The following PAM variants were observed in gnomAD, a reference collection of about 807,000 sequenced individuals.
The protein encoded by PAM is peptidylglycine alpha-amidating monooxygenase.
In PAM, 72 loss-of-function variants were observed where a neutral mutation model predicts 122.1. The observed-to-expected ratio is 0.59, with a 90% CI of 0.49 to 0.72. The LOEUF is 0.72. Among genes scored for constraint, PAM ranks in the 30% least tolerant of loss-of-function variants. The pLI is 0.00. For missense variants in PAM, 1,106 were observed against 1,183.7 expected (o/e 0.93, Z 0.96); for synonymous variants, 389 against 404.4 (o/e 0.96, Z 0.46).
intron 1 of PAM, among the ~76,000 whole-genome samples, chr5:102,822,684 A>G (rs1015378366): frequency 2.0e-4 from 31 of 152,302 alleles, no homozygotes; most frequent in African/African-American, 7.2e-4. Flanking sequence ...TGAAGAGTTA[A>G]TGCCTCCCCA....
At chr5:102,856,491 A>T (rs1205213526) in intron 1 of PAM, among the ~76,000 whole-genome samples, 1 of 152,206 alleles carries the variant, frequency 6.6e-6, no homozygotes, top group Non-Finnish European at 1.5e-5. Context: ...TTTGGAAGAC[A>T]GGGATCTGTT....
intron 16 of PAM, among the ~76,000 whole-genome samples, chr5:103,002,501 C>T (rs959762847): frequency 2.6e-5 from 4 of 152,030 alleles, no homozygotes; most frequent in African/African-American, 9.7e-5. Context: ...ATACTTTGAA[C>T]ATCCTCTTTT....
chr5:102,922,852 A>G (rs1413646187), intron 5 of PAM, among the ~76,000 whole-genome samples: 1 of 152,212 alleles, frequency 6.6e-6, no homozygotes, highest in Non-Finnish European at 1.5e-5. Flanking sequence ...TGACAATATC[A>G]TTTCTTTAAC....
chr5:102,968,169 C>T (rs1477896580), intron 14 of PAM, among the ~76,000 whole-genome samples: 2 of 152,134 alleles, frequency 1.3e-5, no homozygotes, highest in African/African-American at 2.4e-5. Context: ...AAACCTAGCA[C>T]TTGAGCTCAG....
intron 1 of PAM, among the ~76,000 whole-genome samples, chr5:102,861,185 C>G (rs887329958): frequency 2.0e-5 from 3 of 152,186 alleles, no homozygotes; most frequent in Non-Finnish European, 4.4e-5. Context: ...CTTCAGATGA[C>G]TGCAGTTCTG....
At chr5:102,786,894 T>A (rs943627533) in intron 1 of PAM, among the ~76,000 whole-genome samples, 1 of 152,074 alleles carries the variant, frequency 6.6e-6, no homozygotes, top group Admixed American at 6.6e-5. Context: ...ATAAGATAAC[T>A]ACCAAGCAAA....
At chr5:102,811,866 A>G (rs1768013129) in intron 1 of PAM, among the ~76,000 whole-genome samples, 1 of 152,246 alleles carries the variant, frequency 6.6e-6, no homozygotes, top group Non-Finnish European at 1.5e-5. Context: ...CACCAACTCA[A>G]ATGTTCAAAA....
chr5:102,972,343 G>A (rs549939296), intron 14 of PAM, among the ~76,000 whole-genome samples: 4 of 152,198 alleles, frequency 2.6e-5, no homozygotes, highest in South Asian at 4.2e-4. Context: ...GTACCGTGGC[G>A]TGATCATAGC....
chr5:102,783,981 C>T (rs1759766191), intron 1 of PAM, among the ~76,000 whole-genome samples: 1 of 151,902 alleles, frequency 6.6e-6, no homozygotes, highest in Admixed American at 6.6e-5. Context: ...ACTGCAAGCT[C>T]CGCCTCCAGG....
At chr5:103,018,020 G>T (rs1298610847) in intron 22 of PAM, among the ~76,000 whole-genome samples, 1 of 152,112 alleles carries the variant, frequency 6.6e-6, no homozygotes, top group Non-Finnish European at 1.5e-5. Flanking sequence ...TTGGAATTTG[G>T]ACATCATTTT....
At chr5:102,873,329 G>A (rs1440802982) in intron 3 of PAM, 1 of 152,146 alleles carries the variant, frequency 6.6e-6, no homozygotes, top group Non-Finnish European at 1.5e-5. Flanking sequence ...CACTGCAGAA[G>A]GGGAGAAAAC....
intron 3 of PAM, chr5:102,873,241 A>C (rs1055852537): frequency 6.6e-6 from 1 of 152,186 alleles, no homozygotes; most frequent in African/African-American, 2.4e-5. Flanking sequence ...GGACATAAGA[A>C]TAAAAGGAAG....
At chr5:102,865,175 T>C (rs1180947347) in intron 1 of PAM, 1 of 152,252 alleles carries the variant, frequency 6.6e-6, no homozygotes, top group Non-Finnish European at 1.5e-5. Flanking sequence ...TAAATGGGCA[T>C]TTACATCTTG....
At position 102,756,170 on chromosome 5, in the gene PAM, G is replaced by T. The variant is rs148441673; in HGVS notation, c.-374+822G>T. Among the ~76,000 whole-genome samples the T allele has an allele frequency of 1.2e-4, 19 of 152,262 alleles. No individual in the cohort carries two copies. In the East Asian group the frequency reaches 3.3e-3, roughly 26 times the overall value. On this transcript the variant is annotated intron_variant, in intron 1 of 25. Transcript: ENST00000438793. ...TAGGGTATTACGTGATTTTGAGCAC[G>T]GTCTCTTGTCTCGTGCAGCTGCCTG...
chr5:102,785,826 G>A (rs559054286), intron 1 of PAM, among the ~76,000 whole-genome samples: 1 of 152,160 alleles, frequency 6.6e-6, no homozygotes, highest in African/African-American at 2.4e-5. Flanking sequence ...TGGGGAGTAA[G>A]GAGTGGTGTT....
chr5:102,755,900 C>T (rs1044946523), intron 1 of PAM, among the ~76,000 whole-genome samples: 1 of 152,048 alleles, frequency 6.6e-6, no homozygotes, highest in Admixed American at 6.5e-5. Flanking sequence ...CCCGTCCTTG[C>T]CCAGCTTTGC....
chr5:102,790,529 A>G (rs1001876195), intron 1 of PAM, among the ~76,000 whole-genome samples: 1 of 152,056 alleles, frequency 6.6e-6, no homozygotes, highest in Non-Finnish European at 1.5e-5. Flanking sequence ...GATCTAAGTG[A>G]TGAGAAACCT....
At chr5:102,779,912 T>TATATATAC (rs1554059685) in intron 1 of PAM, among the ~76,000 whole-genome samples, 1 of 67,916 alleles carries the variant, frequency 1.5e-5, no homozygotes, top group Admixed American at 1.5e-4. Flanking sequence ...TATATATATA[T>TATATATAC]ATATATACAC....
intron 1 of PAM, among the ~76,000 whole-genome samples, chr5:102,797,056 C>G (rs79229794): frequency 0.014 from 2,136 of 152,286 alleles, 70 homozygotes; most frequent in African/African-American, 0.048. Context: ...AGCACAAGGG[C>G]TGGTGTTTTG....
Sources: allele counts gnomAD v4.1 joint callset (sites outside exome capture counted in the v4.1 genomes callset), GRCh38; gene constraint gnomAD v4.1.1; transcripts MANE v1.5; gene names NCBI Gene and HGNC (gene_info 2026-07-23, HGNC 2026-07-21).